MIS18BP1: variants seen among roughly 807,000 people sequenced by gnomAD.
MIS18BP1 encodes MIS18 binding protein 1, also known as mis18-binding protein 1.
In MIS18BP1, 72 loss-of-function variants were observed where a neutral mutation model predicts 116.1. The observed-to-expected ratio is 0.62, with a 90% CI of 0.51 to 0.75. The LOEUF is 0.75. MIS18BP1 is among the 30% of genes least tolerant of loss of function. MIS18BP1 has a pLI of 0.00. For synonymous variants in MIS18BP1, 386 were observed against 427.0 expected, an observed-to-expected ratio of 0.90 and a Z score of 1.18; for missense variants, 1,363 against 1,303.2, an observed-to-expected ratio of 1.05 and a Z score of -0.71.
At chr14:45,251,630 T>C (rs1306538751) in intron 1 of MIS18BP1, among the ~76,000 whole-genome samples, 1 of 152,138 alleles carries the variant, frequency 6.6e-6, no homozygotes, top group Non-Finnish European at 1.5e-5. Flanking sequence ...ATGATACACT[T>C]GAAAAAAATA....
At chr14:45,213,231 ATT>A (rs1890724392) in intron 13 of MIS18BP1, among the ~76,000 whole-genome samples, 1 of 152,158 alleles carries the variant, frequency 6.6e-6, no homozygotes, top group Non-Finnish European at 1.5e-5. Flanking sequence ...GGAGGTAAGA[ATT>A]GTGGTTTCTG....
intron 11 of MIS18BP1, among the ~76,000 whole-genome samples, chr14:45,219,945 T>C (rs1312615785): frequency 2.0e-5 from 3 of 152,214 alleles, no homozygotes; most frequent in African/African-American, 7.2e-5. Context: ...CTTAAACATA[T>C]CACACCATGT....
At chr14:45,216,003 C>G (rs1307370578) in intron 13 of MIS18BP1, among the ~76,000 whole-genome samples, 7 of 152,180 alleles carry the variant, frequency 4.6e-5, no homozygotes, top group Non-Finnish European at 1.0e-4. Context: ...CGCACCTGTC[C>G]TTCAGCTAAT....
At position 45,242,201 on chromosome 14, in the gene MIS18BP1, CTG is replaced by C; in HGVS notation, c.974_975del (p.Thr325SerfsTer16). The C allele has an allele frequency of 6.2e-7, 1 of 1,614,110 alleles. No homozygotes were observed. Among genetic ancestry groups the C allele is most frequent in the Non-Finnish European group, 8.5e-7 (1 of 1,180,004 alleles). On this transcript the variant is annotated frameshift_variant, in exon 4 of 17. Coordinates refer to ENST00000310806, the MANE Select transcript of MIS18BP1 (RefSeq NM_018353.5). LOFTEE classifies it high-confidence loss of function. The part of the protein sequence containing the change: ...QQKVKEGNGK[T>X]VPGETGLPGS... ...CCTGGAAGACCTGTCTCTCCAGGCACTGTTTTTCCATTTCCTTCCTTAACTTT... is the reference window on the plus strand; with the variant it reads ...CCTGGAAGACCTGTCTCTCCAGGCACTTTTTCCATTTCCTTCCTTAACTTT...
chr14:45,232,808 T>C lies in MIS18BP1; in HGVS notation c.1361A>G (p.Tyr454Cys). 2.1e-6 allele frequency: 3 copies of C among 1,408,578 alleles called. No individual in the cohort carries two copies. The highest frequency in any genetic ancestry group is 2.5e-5 in the East Asian group (1 of 40,666). 87.3% of individuals were successfully genotyped at this position (1,408,578 alleles called of 1,614,324 possible). Residue 454 changes from tyrosine (Y) to cysteine (C), a missense_variant, in exon 7 of 17, where the codon TAT becomes TGT. Transcript: ENST00000310806. ...TCCAAACATAAATTTCCTTATGAGA[T>C]AATTTGGATATCCTATTTAAGGATA... is the stretch of plus-strand genomic sequence containing the variant. ...ISMKEAGYPNYLIRKFMFGFP... is the reference protein window; with the variant it reads ...ISMKEAGYPNCLIRKFMFGFP...
intron 11 of MIS18BP1, among the ~76,000 whole-genome samples, chr14:45,221,234 C>G (rs929793590): frequency 3.3e-5 from 5 of 152,032 alleles, no homozygotes; most frequent in Non-Finnish European, 5.9e-5. Context: ...GTCAGGAGAT[C>G]GAGACCATCC....
rs781315417 is a variant in MIS18BP1 at position 45,210,542 on chromosome 14, A to G, written c.3004-14T>C. 1.9e-5 allele frequency: 30 copies of G among 1,613,612 alleles called. No individual in the cohort carries two copies. The highest frequency in any genetic ancestry group is 2.5e-5 in the Non-Finnish European group (29 of 1,179,804). ...GAAACTTGGCAACTAGAAAACAAGTATTTATTATCAGCAGGCACCCCATAA... is the reference window on the plus strand; with the variant it reads ...GAAACTTGGCAACTAGAAAACAAGTGTTTATTATCAGCAGGCACCCCATAA... On this transcript the variant is annotated splice_polypyrimidine_tract_variant and intron_variant, in intron 13 of 16. Transcript: ENST00000310806.
At position 45,225,977 on chromosome 14, in the gene MIS18BP1, T is replaced by C. The variant is rs527482735; in HGVS notation, c.1840+766A>G. 5.9e-5 allele frequency among the ~76,000 whole-genome samples: 9 copies of C among 152,288 alleles called. No homozygotes were observed. The South Asian group carries it at 1.4e-3, about 25-fold the overall frequency. ...TAATCAAAATAATTTAGAAAGTGTC[T>C]ACAAGATTTTCCACTGGCATCATAT... On this transcript the variant is annotated intron_variant, in intron 10 of 16. Transcript: ENST00000310806.
intron 2 of MIS18BP1, among the ~76,000 whole-genome samples, chr14:45,244,047 C>G (rs997227072): frequency 6.6e-6 from 1 of 152,116 alleles, no homozygotes. Context: ...CCCACTTCTA[C>G]CCCCAAACTC....
intron 1 of MIS18BP1, among the ~76,000 whole-genome samples, chr14:45,251,921 T>C (rs1314463011): frequency 6.6e-6 from 1 of 152,210 alleles, no homozygotes; most frequent in Non-Finnish European, 1.5e-5. Context: ...ACTTGTTTTT[T>C]CCTATAGAAA....
intron 14 of MIS18BP1, 100 bp from the exon 15 acceptor site, chr14:45,206,270 T>C: frequency 1.3e-6 from 1 of 745,026 alleles, no homozygotes; most frequent in Non-Finnish European, 2.2e-6. Flanking sequence ...TGAACAACAA[T>C]TGCCTAAATT....
chr14:45,250,254 C>G (rs988561558), intron 1 of MIS18BP1: 6 of 152,144 alleles, frequency 3.9e-5, no homozygotes, highest in African/African-American at 1.2e-4. Flanking sequence ...TTTTTCCCAC[C>G]ATGTGATAAA....
chr14:45,250,101 A>C (rs1156368631), intron 1 of MIS18BP1: 1 of 152,220 alleles, frequency 6.6e-6, no homozygotes, highest in Non-Finnish European at 1.5e-5. Flanking sequence ...GGCTCCAAGA[A>C]CCAAAACAGA....
intron 8 of MIS18BP1, among the ~76,000 whole-genome samples, chr14:45,230,521 G>C (rs983197982): frequency 4.6e-5 from 7 of 152,168 alleles, no homozygotes; most frequent in African/African-American, 1.7e-4. Context: ...TAGGTTGGCA[G>C]CTTAAATACT....
chr14:45,237,857 A>T, intron 4 of MIS18BP1, 136 bp from the exon 5 acceptor site: 3 of 1,246,230 alleles, frequency 2.4e-6, no homozygotes, highest in Non-Finnish European at 3.2e-6. Context: ...TAAGATTCAC[A>T]TTCTATTCTA....
intron 6 of MIS18BP1, among the ~76,000 whole-genome samples, chr14:45,233,374 A>G (rs965094138): frequency 2.0e-5 from 3 of 152,148 alleles, no homozygotes; most frequent in African/African-American, 7.2e-5. Context: ...AGATTATAAT[A>G]TAAGGCCTTA....
chr14:45,229,003 A>G (rs1367505628), intron 8 of MIS18BP1, among the ~76,000 whole-genome samples: 2 of 152,180 alleles, frequency 1.3e-5, no homozygotes, highest in Non-Finnish European at 2.9e-5. Context: ...CCACCACTCA[A>G]AATAACTTAC....
chr14:45,229,332 C>G (rs1258818414), intron 8 of MIS18BP1, among the ~76,000 whole-genome samples: 1 of 151,840 alleles, frequency 6.6e-6, no homozygotes, highest in African/African-American at 2.4e-5. Flanking sequence ...TAGTAGGATC[C>G]CATCTCTACA....
intron 5 of MIS18BP1, 109 bp from the exon 6 acceptor site, chr14:45,236,053 A>T: frequency 9.9e-7 from 1 of 1,005,550 alleles, no homozygotes. Context: ...TTATTAGTCT[A>T]ATTACAAAAT....
Sources: allele counts gnomAD v4.1 joint callset (sites outside exome capture counted in the v4.1 genomes callset), GRCh38; gene constraint gnomAD v4.1.1; transcripts MANE v1.5; gene names NCBI Gene and HGNC (gene_info 2026-07-23, HGNC 2026-07-21).